The following TMCO4 variants were observed in gnomAD, a reference collection of about 807,000 sequenced individuals.
TMCO4 encodes the protein transmembrane and coiled-coil domains 4.
Under a neutral mutation model 64.7 loss-of-function variants are expected in TMCO4, and 58 were observed. That is an observed-to-expected ratio of 0.90 (90% CI 0.73 to 1.12). TMCO4 has a LOEUF of 1.12. Ranked by LOEUF, TMCO4 falls within the 50% of genes most tolerant of loss-of-function variation. TMCO4 has a pLI of 0.00. For synonymous variants in TMCO4, 325 were observed against 346.1 expected (o/e 0.94, Z 0.68); for missense variants, 780 against 825.9 (o/e 0.94, Z 0.68).
At chr1:19,735,452 T>C (rs755644583) in intron 13 of TMCO4, among the ~76,000 whole-genome samples, 5 of 151,860 alleles carry the variant, frequency 3.3e-5, no homozygotes, top group Non-Finnish European at 7.4e-5. Flanking sequence ...GATCCAGGGG[T>C]GGGAGCAGCG....
rs1201295820 is a variant in TMCO4, at chr1:19,743,759, AC to A, written c.877+1772del. ...ACGGTAAAATGAAAACAAATGAAAA[AC>A]CCTGGGCATTGGATCAGGAGACCTG... On this transcript the variant is annotated intron_variant, in intron 10 of 15. Transcript: ENST00000294543. The surrounding 1 kb of genome is among the most constrained non-coding windows in gnomAD (Gnocchi z 4.1). Among the ~76,000 whole-genome samples the A allele has an allele frequency of 6.6e-6, 1 of 151,870 alleles. No individual in the cohort carries two copies. Among genetic ancestry groups the A allele is most frequent in the Non-Finnish European group, 1.5e-5 (1 of 67,970 alleles).
In TMCO4 at chr1:19,700,490, C is replaced by T. The variant is rs535907476; in HGVS notation, c.1382+278G>A. Reference sequence around the variant, plus strand: ...TTCCCCCAGCTCCAACCAGGCCAAGCCGCCCCAGCCTCTCCTGTCATCCTG... The same window carrying T: ...TTCCCCCAGCTCCAACCAGGCCAAGTCGCCCCAGCCTCTCCTGTCATCCTG... On this transcript the variant is annotated intron_variant, in intron 14 of 15. Transcript: ENST00000294543. Among the ~76,000 whole-genome samples the T allele has an allele frequency of 5.6e-4, 85 of 152,292 alleles. 1 individual carries two copies. Among genetic ancestry groups the T allele is most frequent in the African/African-American group, 1.9e-3 (81 of 41,576 alleles).
chr1:19,753,093 G>T (rs2042091079), intron 7 of TMCO4, among the ~76,000 whole-genome samples: 1 of 151,940 alleles, frequency 6.6e-6, no homozygotes, highest in South Asian at 2.1e-4. Context: ...CCATGTAGCT[G>T]GGATTACAGG....
At position 19,787,033 on chromosome 1, in the gene TMCO4, T is replaced by G. The variant is rs1366183920; in HGVS notation, c.-16A>C. 1 of 152,282 alleles carries G rather than the reference T, an allele frequency of 6.6e-6. No homozygotes were observed. The highest frequency in any genetic ancestry group is 1.5e-5 in the Non-Finnish European group (1 of 68,032). The allele number at this position is 152,282 out of a possible 1,614,324, so 9.4% of individuals were successfully genotyped here. A position where few individuals can be genotyped will look rare whatever the true frequency, so the allele number is the denominator to read the frequency against. ...GAAACCTTCAATACTTACCCAGATTTCAAGAAACAGCCGTGGGCCTCTCTC... is the reference window on the plus strand; with the variant it reads ...GAAACCTTCAATACTTACCCAGATTGCAAGAAACAGCCGTGGGCCTCTCTC... On this transcript the variant is annotated 5_prime_UTR_variant, in exon 3 of 16. Transcript: ENST00000294543.
chr1:19,691,090 G>C (rs535511598), intron 15 of TMCO4, among the ~76,000 whole-genome samples: 10 of 152,108 alleles, frequency 6.6e-5, no homozygotes, highest in South Asian at 6.2e-4. Context: ...GGATGGTCTC[G>C]ATCTCCTGAC....
chr1:19,748,387 T>C (rs1240622529), intron 7 of TMCO4, among the ~76,000 whole-genome samples: 1 of 152,224 alleles, frequency 6.6e-6, no homozygotes, highest in East Asian at 1.9e-4. Context: ...TAAAGTTATA[T>C]TGAGAATGGA....
chr1:19,745,855 G>T (rs375941438), intron 9 of TMCO4, among the ~76,000 whole-genome samples: 1 of 152,186 alleles, frequency 6.6e-6, no homozygotes, highest in East Asian at 1.9e-4. Flanking sequence ...TGCTTCTGAG[G>T]CTGGCCAGCC....
chr1:19,744,986 A>T (rs1343142419), intron 10 of TMCO4, among the ~76,000 whole-genome samples: 1 of 151,220 alleles, frequency 6.6e-6, no homozygotes, highest in African/African-American at 2.4e-5. Flanking sequence ...ATGGACAGAG[A>T]GGTGGATGGG....
Position 19,692,603 on chromosome 1 carries a change from T to C in TMCO4, c.1500+1831A>G, listed in dbSNP as rs1272680748. Among the ~76,000 whole-genome samples, 6 of 147,134 alleles carry C rather than the reference T, an allele frequency of 4.1e-5. No homozygotes were observed. In the South Asian group the frequency reaches 1.3e-3, roughly 31 times the overall value. ...AAAAAAAAAAAAAAAAAGAATTAGA[T>C]GGGCGTGGTGGCAGGCGCCTATAAT... is the stretch of plus-strand genomic sequence containing the variant. On this transcript the variant is annotated intron_variant, in intron 15 of 15. Coordinates refer to ENST00000294543, the MANE Select transcript of TMCO4 (RefSeq NM_181719.7).
Position 19,690,671 on chromosome 1 carries a change from T to C in TMCO4, c.1500+3763A>G, listed in dbSNP as rs75316091. ...CACTGTGGTTTGCTGGTCTTGTGAC[T>C]CAGCTTACCTCATTCCCACAGAGAA... On this transcript the variant is annotated intron_variant, in intron 15 of 15. Coordinates refer to ENST00000294543, the MANE Select transcript of TMCO4 (RefSeq NM_181719.7). 7.2e-3 allele frequency among the ~76,000 whole-genome samples: 1,095 copies of C among 152,274 alleles called. 15 individuals are homozygous for C. Among genetic ancestry groups the C allele is most frequent in the African/African-American group, 0.022 (902 of 41,562 alleles).
intron 2 of TMCO4, among the ~76,000 whole-genome samples, chr1:19,791,375 C>G (rs2044027946): frequency 6.6e-6 from 1 of 151,940 alleles, no homozygotes; most frequent in African/African-American, 2.4e-5. Context: ...GTTGGTGGGA[C>G]AGACAGTGCA....
At chr1:19,742,822 C>A (rs147475527) in intron 10 of TMCO4, among the ~76,000 whole-genome samples, 2 of 152,082 alleles carry the variant, frequency 1.3e-5, no homozygotes, top group Non-Finnish European at 2.9e-5. Context: ...GAGGCCGAGG[C>A]GGGTGGATCA....
intron 10 of TMCO4, among the ~76,000 whole-genome samples, chr1:19,741,983 C>A (rs1217307013): frequency 2.6e-5 from 4 of 152,028 alleles, no homozygotes; most frequent in Non-Finnish European, 4.4e-5. Context: ...AAGTGATCCA[C>A]CCGCCTCGGC....
At chr1:19,712,975 G>T (rs2095338417) in intron 13 of TMCO4, among the ~76,000 whole-genome samples, 1 of 152,222 alleles carries the variant, frequency 6.6e-6, no homozygotes, top group African/African-American at 2.4e-5. Flanking sequence ...GGATGAGCCA[G>T]CTTTGCTCGG....
chr1:19,745,868 C>T (rs998691620), intron 9 of TMCO4, among the ~76,000 whole-genome samples: 2 of 152,160 alleles, frequency 1.3e-5, no homozygotes, highest in Non-Finnish European at 2.9e-5. Context: ...GGCCAGCCCC[C>T]GAGCGGTAGA....
At chr1:19,790,119 G>A (rs538163995) in intron 2 of TMCO4, among the ~76,000 whole-genome samples, 89 of 149,992 alleles carry the variant, frequency 5.9e-4, no homozygotes, top group African/African-American at 1.9e-3. Flanking sequence ...CTGGCTAGCC[G>A]TATGCAGAAA....
chr1:19,797,186 T>C (rs2044348375), intron 2 of TMCO4, among the ~76,000 whole-genome samples: 1 of 152,134 alleles, frequency 6.6e-6, no homozygotes, highest in African/African-American at 2.4e-5. Flanking sequence ...CTAAGCAAAC[T>C]TGGCCCTGGT....
intron 2 of TMCO4, among the ~76,000 whole-genome samples, chr1:19,795,504 A>T (rs953071181): frequency 3.9e-5 from 6 of 152,144 alleles, no homozygotes; most frequent in Non-Finnish European, 1.5e-5. Flanking sequence ...TAAATTAAAA[A>T]TTTAAAAAAA....
chr1:19,709,086 G>T (rs1038389284), intron 13 of TMCO4, among the ~76,000 whole-genome samples: 22 of 152,114 alleles, frequency 1.4e-4, no homozygotes, highest in Admixed American at 2.0e-4. Flanking sequence ...AGGAGAAAGG[G>T]CGGCTTTGAC....
Sources: allele counts gnomAD v4.1 joint callset (sites outside exome capture counted in the v4.1 genomes callset), GRCh38; gene constraint gnomAD v4.1.1; non-coding constraint Gnocchi (gnomAD v3.1); transcripts MANE v1.5; gene names NCBI Gene and HGNC (gene_info 2026-07-23, HGNC 2026-07-21).